ARID1B: variants seen among roughly 807,000 people sequenced by gnomAD.
The protein encoded by ARID1B is AT-rich interactive domain-containing protein 1B.
ARID1B carries 30 observed loss-of-function variants against 212.3 expected under a neutral mutation model. That is an observed-to-expected ratio of 0.14 (90% CI 0.11 to 0.19). The LOEUF (loss-of-function observed/expected upper bound fraction) is 0.19, where lower values mean the gene tolerates loss of function less well. Among genes scored for constraint, ARID1B ranks in the 10% least tolerant of loss-of-function variants. The pLI is 1.00. For synonymous variants in ARID1B, 1,402 were observed against 1,301.7 expected (o/e 1.08, Z -1.66); for missense variants, 2,891 against 3,204.0 (o/e 0.90, Z 2.36).
chr6:157,093,599 A>T (rs1384632958), intron 5 of ARID1B, among the ~76,000 whole-genome samples: 2 of 152,238 alleles, frequency 1.3e-5, no homozygotes, highest in Admixed American at 1.3e-4. Context: ...TTTATAAATG[A>T]TATAACTAGG....
chr6:157,119,991 C>G (rs1395861167), intron 6 of ARID1B, among the ~76,000 whole-genome samples: 5 of 152,196 alleles, frequency 3.3e-5, no homozygotes, highest in African/African-American at 1.2e-4. Context: ...TTGCACAATT[C>G]AAATAAGATT....
chr6:156,965,979 T>C (rs1210532231), intron 4 of ARID1B, among the ~76,000 whole-genome samples: 1 of 152,232 alleles, frequency 6.6e-6, no homozygotes, highest in Admixed American at 6.5e-5. Context: ...TATTTTCTTT[T>C]AATGAAGTAC....
intron 6 of ARID1B, among the ~76,000 whole-genome samples, chr6:157,117,930 C>A (rs1023111197): frequency 6.6e-6 from 1 of 152,170 alleles, no homozygotes; most frequent in African/African-American, 2.4e-5. Context: ...TCAGTATGAG[C>A]CATAGCCCTT....
At chr6:157,134,917 A>T (rs150907222) in intron 7 of ARID1B, among the ~76,000 whole-genome samples, 2 of 152,022 alleles carry the variant, frequency 1.3e-5, no homozygotes, top group African/African-American at 4.8e-5. Context: ...CCCTTCCTGG[A>T]CTCTGAAATT....
At chr6:157,177,969 G>A (rs1363396728) in intron 11 of ARID1B, among the ~76,000 whole-genome samples, 1 of 152,206 alleles carries the variant, frequency 6.6e-6, no homozygotes, top group African/African-American at 2.4e-5. Context: ...GGTCAGTGAT[G>A]AGAGTGATAA....
chr6:157,159,241 A>G (rs1790767501), intron 8 of ARID1B, among the ~76,000 whole-genome samples: 1 of 152,242 alleles, frequency 6.6e-6, no homozygotes, highest in Non-Finnish European at 1.5e-5. Flanking sequence ...GTAGCAGAAC[A>G]ATGGGCTTAA....
At chr6:156,921,581 A>G (rs941739599) in intron 3 of ARID1B, among the ~76,000 whole-genome samples, 2 of 152,042 alleles carry the variant, frequency 1.3e-5, no homozygotes, top group African/African-American at 4.8e-5. Flanking sequence ...TTCGTAGAAG[A>G]TTGGTAAAGT....
intron 8 of ARID1B, among the ~76,000 whole-genome samples, chr6:157,155,828 C>T (rs985222548): frequency 6.6e-6 from 1 of 152,106 alleles, no homozygotes; most frequent in Non-Finnish European, 1.5e-5. Context: ...TTGGAAGAAG[C>T]TGGGTCTATT....
At chr6:157,036,116 G>A (rs960855022) in intron 4 of ARID1B, among the ~76,000 whole-genome samples, 4 of 152,058 alleles carry the variant, frequency 2.6e-5, no homozygotes, top group African/African-American at 4.8e-5. Flanking sequence ...CTTTTCCATC[G>A]TGTATTGGTA....
At chr6:157,048,060 C>A (rs1782355759) in intron 4 of ARID1B, among the ~76,000 whole-genome samples, 1 of 152,156 alleles carries the variant, frequency 6.6e-6, no homozygotes, top group Non-Finnish European at 1.5e-5. Flanking sequence ...AGTTTTAAAG[C>A]AGATTCTGTT....
chr6:156,989,402 T>G (rs1778135838), intron 4 of ARID1B, among the ~76,000 whole-genome samples: 1 of 152,240 alleles, frequency 6.6e-6, no homozygotes, highest in South Asian at 2.1e-4. Flanking sequence ...AATGATGCAT[T>G]TAACAGTCAC....
rs1325722326 is a variant in ARID1B, at chr6:157,208,128, T to G, written c.*237T>G. The G allele has an allele frequency of 2.4e-6, 1 of 416,936 alleles. No homozygotes were observed. Among genetic ancestry groups the G allele is most frequent in the Middle Eastern group, 6.5e-4 (1 of 1,540 alleles). 25.8% of individuals were successfully genotyped at this position (416,936 alleles called of 1,614,324 possible). A position where few individuals can be genotyped will look rare whatever the true frequency, so the allele number is the denominator to read the frequency against. ...TTTGGGGTTTTTTTTTTCTCTTTTT[T>G]TTAACCAAAGTTGCTGTCTAGTGCA... On this transcript the variant is annotated 3_prime_UTR_variant, in exon 20 of 20. Coordinates refer to ENST00000636930, the MANE Select transcript of ARID1B (RefSeq NM_001374828.1).
intron 8 of ARID1B, chr6:157,152,496 G>C (rs184296172): frequency 6.6e-6 from 1 of 152,220 alleles, no homozygotes; most frequent in South Asian, 2.1e-4. Flanking sequence ...ACTGTTAGCT[G>C]TGAATTTTAA....
chr6:157,075,710 C>T (rs752967248), intron 4 of ARID1B, among the ~76,000 whole-genome samples: 8 of 152,234 alleles, frequency 5.3e-5, no homozygotes, highest in Non-Finnish European at 7.3e-5. Flanking sequence ...TCGTCCTCCC[C>T]GCTATGGTAC....
chr6:157,043,955 T>A (rs976608122), intron 4 of ARID1B, among the ~76,000 whole-genome samples: 1 of 152,218 alleles, frequency 6.6e-6, no homozygotes, highest in Admixed American at 6.5e-5. Flanking sequence ...CAAACAAATA[T>A]CTATGGGATA....
intron 4 of ARID1B, among the ~76,000 whole-genome samples, chr6:157,030,978 C>T (rs1198858049): frequency 2.0e-5 from 3 of 151,914 alleles, no homozygotes; most frequent in African/African-American, 7.3e-5. Context: ...GTCCTTCAGC[C>T]GTCATGTGGT....
chr6:157,040,665 C>T (rs1177147563), intron 4 of ARID1B, among the ~76,000 whole-genome samples: 3 of 152,172 alleles, frequency 2.0e-5, no homozygotes, highest in Non-Finnish European at 4.4e-5. Flanking sequence ...GAAACTACAA[C>T]CCAGGGAAAC....
chr6:156,783,687 A>G (rs911655775), intron 1 of ARID1B, among the ~76,000 whole-genome samples: 2 of 152,192 alleles, frequency 1.3e-5, no homozygotes, highest in African/African-American at 4.8e-5. Flanking sequence ...AACATTTGTT[A>G]GGGTTCCATG....
rs1400440493 is a variant in ARID1B at position 157,207,509 on chromosome 6, A to G, written c.6737A>G (p.Lys2246Arg). ...TTAGTTAGGTACGTTGGGGATCGCAAAAACCCAGTCTGTCGAGAAATGTCC... is the reference window on the plus strand; with the variant it reads ...TTAGTTAGGTACGTTGGGGATCGCAGAAACCCAGTCTGTCGAGAAATGTCC... Reference protein sequence around the residue: ...ATLVRYVGDRKNPVCREMSMA... With the variant: ...ATLVRYVGDRRNPVCREMSMA... Residue 2246 changes from lysine (K) to arginine (R), a missense_variant, in exon 20 of 20, where the codon AAA (lysine) becomes AGA (arginine). By Grantham distance (26) the Lys-to-Arg change is conservative. Transcript: ENST00000636930. The surrounding 1 kb of genome is among the most constrained non-coding windows in gnomAD (Gnocchi z 8.5). The G allele has an allele frequency of 6.2e-7, 1 of 1,614,182 alleles. No homozygotes were observed. The highest frequency in any genetic ancestry group is 1.3e-5 in the African/African-American group (1 of 75,034).
Sources: gnomAD v4.1 joint callset for allele counts (sites outside exome capture counted in the v4.1 genomes callset) on GRCh38, gnomAD v4.1.1 for gene constraint, Gnocchi (gnomAD v3.1) non-coding constraint, MANE v1.5 for transcripts, NCBI Gene and HGNC (gene_info 2026-07-23, HGNC 2026-07-21) for gene names.